DLG2: variants seen among roughly 807,000 people sequenced by gnomAD.
DLG2 encodes disks large homolog 2.
In DLG2, 45 loss-of-function variants were observed where a neutral mutation model predicts 132.5. That is an observed-to-expected ratio of 0.34 (90% CI 0.27 to 0.44). The LOEUF (loss-of-function observed/expected upper bound fraction) is 0.44, where lower values mean the gene tolerates loss of function less well. Ranked by LOEUF, DLG2 falls within the 20% of genes least tolerant of loss-of-function variation. The pLI, the probability that DLG2 is intolerant of heterozygous loss-of-function variation, is 1.00. For missense variants in DLG2, 1,045 were observed against 1,196.9 expected (o/e 0.87, Z 1.87); for synonymous variants, 424 against 419.6 (o/e 1.01, Z -0.13).
chr11:84,766,753 T>C (rs918230609), intron 6 of DLG2, among the ~76,000 whole-genome samples: 1 of 152,050 alleles, frequency 6.6e-6, no homozygotes, highest in Non-Finnish European at 1.5e-5. Context: ...GGAGGAAAGA[T>C]GGTTAAATAG....
intron 7 of DLG2, among the ~76,000 whole-genome samples, chr11:84,398,499 TATAAGA>T (rs1473362272): frequency 1.3e-5 from 2 of 152,208 alleles, no homozygotes; most frequent in African/African-American, 4.8e-5. Context: ...CTGGGTACCT[TATAAGA>T]ATGAGTATTT....
At chr11:85,217,316 T>TCACACACA (rs71895547) in intron 4 of DLG2, among the ~76,000 whole-genome samples, 46,094 of 137,626 alleles carry the variant, frequency 0.33, 7,698 homozygotes, top group East Asian at 0.5. Flanking sequence ...TCTCTCTCTC[T>TCACACACA]CTCACACACA....
intron 3 of DLG2, among the ~76,000 whole-genome samples, chr11:85,290,355 C>G (rs1300580164): frequency 6.6e-6 from 1 of 151,922 alleles, no homozygotes; most frequent in African/African-American, 2.4e-5. Flanking sequence ...CAAAAATTTC[C>G]TGGGGACATG....
intron 2 of DLG2, among the ~76,000 whole-genome samples, chr11:85,605,639 T>G (rs2080474926): frequency 6.6e-6 from 1 of 152,104 alleles, no homozygotes; most frequent in African/African-American, 2.4e-5. Flanking sequence ...ATAAAGATAA[T>G]TAACTAGGAA....
At chr11:85,391,008 T>C (rs2086751921) in intron 3 of DLG2, among the ~76,000 whole-genome samples, 1 of 151,956 alleles carries the variant, frequency 6.6e-6, no homozygotes, top group South Asian at 2.1e-4. Flanking sequence ...GCTGGTTCTT[T>C]GAAAAGATAA....
At chr11:85,363,364 A>T (rs983545606) in intron 3 of DLG2, among the ~76,000 whole-genome samples, 3 of 152,232 alleles carry the variant, frequency 2.0e-5, no homozygotes, top group African/African-American at 7.2e-5. Flanking sequence ...GGGAATGGAA[A>T]GGAAAGGAGG....
At chr11:83,990,776 T>C (rs1241154884) in intron 11 of DLG2, among the ~76,000 whole-genome samples, 6 of 152,152 alleles carry the variant, frequency 3.9e-5, no homozygotes, top group African/African-American at 1.4e-4. Context: ...TTATTAAGCA[T>C]ACTGGTCCTG....
At chr11:84,354,175 A>T (rs796751455) in intron 7 of DLG2, among the ~76,000 whole-genome samples, 1 of 152,290 alleles carries the variant, frequency 6.6e-6, no homozygotes, top group African/African-American at 2.4e-5. Context: ...TTGGCATCTG[A>T]GTAAAATATC....
intron 7 of DLG2, among the ~76,000 whole-genome samples, chr11:84,412,963 A>T (rs1324492309): frequency 6.6e-6 from 1 of 152,206 alleles, no homozygotes; most frequent in Non-Finnish European, 1.5e-5. Flanking sequence ...TAACAATGAC[A>T]CCTATTATTA....
intron 9 of DLG2, among the ~76,000 whole-genome samples, chr11:84,150,738 A>G (rs192141599): frequency 5.1e-4 from 77 of 152,220 alleles, no homozygotes; most frequent in African/African-American, 1.8e-3. Flanking sequence ...TATGTTGACT[A>G]CAGGAATTTC....
chr11:84,145,528 T>C (rs2095046372), intron 9 of DLG2, among the ~76,000 whole-genome samples: 1 of 152,202 alleles, frequency 6.6e-6, no homozygotes, highest in Non-Finnish European at 1.5e-5. Context: ...AGTTTGTCAT[T>C]GATCAAAATG....
intron 9 of DLG2, among the ~76,000 whole-genome samples, chr11:84,116,829 G>C (rs1409992705): frequency 6.6e-6 from 1 of 152,086 alleles, no homozygotes; most frequent in African/African-American, 2.4e-5. Flanking sequence ...AATGTTAGAG[G>C]GACAAGTGAA....
At chr11:83,511,107 C>T (rs2095006322) in intron 21 of DLG2, among the ~76,000 whole-genome samples, 1 of 150,924 alleles carries the variant, frequency 6.6e-6, no homozygotes, top group Non-Finnish European at 1.5e-5. Context: ...CACACACACA[C>T]ACACACATTC....
At chr11:85,098,787 G>A (rs2070358469) in intron 6 of DLG2, among the ~76,000 whole-genome samples, 1 of 152,124 alleles carries the variant, frequency 6.6e-6, no homozygotes, top group Admixed American at 6.5e-5. Flanking sequence ...AGCCAATCCA[G>A]ACGTGAATGC....
At chr11:84,188,229 C>A (rs1343386807) in intron 8 of DLG2, among the ~76,000 whole-genome samples, 3 of 151,994 alleles carry the variant, frequency 2.0e-5, no homozygotes, top group Non-Finnish European at 4.4e-5. Flanking sequence ...GGGATATATG[C>A]AAAGAAAAGC....
intron 6 of DLG2, among the ~76,000 whole-genome samples, chr11:84,938,005 C>G (rs967874981): frequency 2.6e-5 from 4 of 152,166 alleles, no homozygotes; most frequent in African/African-American, 9.6e-5. Context: ...GAATCCAAGT[C>G]AGCTCAGTCC....
At chr11:84,045,359 GA>G (rs1447289933) in intron 11 of DLG2, among the ~76,000 whole-genome samples, 4 of 151,618 alleles carry the variant, frequency 2.6e-5, no homozygotes, top group Non-Finnish European at 4.4e-5. Context: ...TCACTACTGA[GA>G]TTGATATCAA....
In DLG2 at chr11:84,706,331, T is replaced by C. The variant is rs144532099; in HGVS notation, c.358-171600A>G. Among the ~76,000 whole-genome samples, 1,266 of 151,932 alleles carry C rather than the reference T, an allele frequency of 8.3e-3. 14 individuals carry two copies. Among genetic ancestry groups the C allele is most frequent in the Middle Eastern group, 0.061 (18 of 294 alleles). On this transcript the variant is annotated intron_variant, in intron 6 of 27. Coordinates refer to ENST00000376104, the MANE Select transcript of DLG2 (RefSeq NM_001142699.3). ...ACTATACAGAGAGTGCTTTGGGGGC[T>C]CTGAAAAGCCAGATTATATACAAGG...
intron 7 of DLG2, among the ~76,000 whole-genome samples, chr11:84,261,420 C>T (rs1370656494): frequency 2.0e-5 from 3 of 152,116 alleles, no homozygotes; most frequent in African/African-American, 7.2e-5. Flanking sequence ...ATCTAAAGTT[C>T]CAGATGCTTC....
Sources: gnomAD v4.1 joint callset for allele counts (sites outside exome capture counted in the v4.1 genomes callset) on GRCh38, gnomAD v4.1.1 for gene constraint, MANE v1.5 for transcripts, NCBI Gene and HGNC (gene_info 2026-07-23, HGNC 2026-07-21) for gene names.